TMTC2: variants seen among roughly 807,000 people sequenced by gnomAD.
TMTC2 encodes protein O-mannosyl-transferase TMTC2.
Under a neutral mutation model 82.4 loss-of-function variants are expected in TMTC2, and 43 were observed. That is an observed-to-expected ratio of 0.52 (90% CI 0.41 to 0.67). The LOEUF is 0.67. Ranked by LOEUF, TMTC2 falls within the 30% of genes least tolerant of loss-of-function variation. The pLI is 0.00. For synonymous variants in TMTC2, 408 were observed against 381.9 expected (o/e 1.07, Z -0.80); for missense variants, 919 against 1,012.4 (o/e 0.91, Z 1.25).
chr12:82,982,045 C>T (rs936302675), intron 7 of TMTC2, among the ~76,000 whole-genome samples: 6 of 150,252 alleles, frequency 4.0e-5, no homozygotes, highest in African/African-American at 1.5e-4. Flanking sequence ...GTTTGTTAAG[C>T]TCTCTGAAGC....
At chr12:82,744,515 T>G (rs958799345) in intron 1 of TMTC2, among the ~76,000 whole-genome samples, 1 of 148,288 alleles carries the variant, frequency 6.7e-6, no homozygotes, top group African/African-American at 2.5e-5. Flanking sequence ...GGATCACAAG[T>G]TCAGGGCTGC....
chr12:82,789,912 C>T (rs904929489), intron 1 of TMTC2, among the ~76,000 whole-genome samples: 7 of 152,080 alleles, frequency 4.6e-5, no homozygotes, highest in African/African-American at 9.7e-5. Context: ...GGAAGCTGCT[C>T]AGTAAAGATG....
At chr12:82,992,013 A>G (rs1879421364) in intron 8 of TMTC2, among the ~76,000 whole-genome samples, 1 of 152,214 alleles carries the variant, frequency 6.6e-6, no homozygotes, top group Non-Finnish European at 1.5e-5. Context: ...AAGGAAGGAT[A>G]TTGGAGACTC....
At chr12:83,106,653 G>C (rs181319348) in intron 11 of TMTC2, among the ~76,000 whole-genome samples, 4 of 152,252 alleles carry the variant, frequency 2.6e-5, no homozygotes, top group African/African-American at 9.6e-5. Context: ...CAGCCAGAGA[G>C]AAAAGAAAAC....
intron 11 of TMTC2, among the ~76,000 whole-genome samples, chr12:83,099,392 TTC>T (rs756515088): frequency 3.3e-5 from 5 of 152,144 alleles, no homozygotes; most frequent in Non-Finnish European, 7.3e-5. Context: ...GCACAACATC[TTC>T]TCTGTCTCCT....
intron 1 of TMTC2, among the ~76,000 whole-genome samples, chr12:82,794,183 G>T (rs908152002): frequency 6.6e-6 from 1 of 152,108 alleles, no homozygotes; most frequent in South Asian, 2.1e-4. Flanking sequence ...GGGACAGGGC[G>T]CAGGCCCGCA....
chr12:82,737,217 A>G (rs1875170823), intron 1 of TMTC2, among the ~76,000 whole-genome samples: 1 of 152,196 alleles, frequency 6.6e-6, no homozygotes, highest in South Asian at 2.1e-4. Context: ...TCAAACTTTC[A>G]TCACATTGAT....
chr12:82,813,237 CTG>C (rs1410944241), intron 1 of TMTC2, among the ~76,000 whole-genome samples: 1 of 152,112 alleles, frequency 6.6e-6, no homozygotes, highest in Admixed American at 6.5e-5. Flanking sequence ...ACTCACTACT[CTG>C]TAACAGCAGC....
chr12:83,094,945 A>G lies in TMTC2; in HGVS notation c.2331+33114A>G, dbSNP rs371061872. On this transcript the variant is annotated intron_variant, in intron 11 of 11. Transcript: ENST00000321196. ...GGGGATGGAGATACAAAGAAAGCCTACTTTTTAAAGTCACCGGATAGAACT... is the reference window on the plus strand; with the variant it reads ...GGGGATGGAGATACAAAGAAAGCCTGCTTTTTAAAGTCACCGGATAGAACT... Among the ~76,000 whole-genome samples the G allele has an allele frequency of 2.3e-4, 35 of 152,348 alleles. 1 individual carries two copies. In the South Asian group the frequency reaches 7.2e-3, roughly 32 times the overall value.
intron 1 of TMTC2, among the ~76,000 whole-genome samples, chr12:82,789,320 T>C (rs978877135): frequency 6.6e-6 from 1 of 152,112 alleles, no homozygotes; most frequent in Admixed American, 6.6e-5. Flanking sequence ...TAATTGTGTG[T>C]ATGCTGAATT....
chr12:82,719,004 G>C (rs958310550), intron 1 of TMTC2, among the ~76,000 whole-genome samples: 1 of 137,734 alleles, frequency 7.3e-6, no homozygotes, highest in Non-Finnish European at 1.5e-5. Context: ...TATATATTCA[G>C]AAAACTGGGT....
intron 1 of TMTC2, among the ~76,000 whole-genome samples, chr12:82,734,832 G>T (rs1307931019): frequency 6.6e-6 from 1 of 152,292 alleles, no homozygotes; most frequent in East Asian, 1.9e-4. Context: ...TTGGGGCCAA[G>T]TCACTGCACT....
chr12:83,054,982 C>A (rs1176899895), intron 10 of TMTC2, among the ~76,000 whole-genome samples: 1 of 152,034 alleles, frequency 6.6e-6, no homozygotes, highest in African/African-American at 2.4e-5. Context: ...CCTACAGACT[C>A]TACCAGTGGG....
chr12:83,084,005 G>A (rs977727102), intron 11 of TMTC2, among the ~76,000 whole-genome samples: 4 of 152,068 alleles, frequency 2.6e-5, no homozygotes, highest in Non-Finnish European at 4.4e-5. Flanking sequence ...TTTTACCCCC[G>A]ACACGTATCC....
At chr12:83,001,471 C>G (rs1430148919) in intron 8 of TMTC2, among the ~76,000 whole-genome samples, 1 of 57,216 alleles carries the variant, frequency 1.7e-5, no homozygotes, top group Non-Finnish European at 5.1e-5. Context: ...AACCCCGTCT[C>G]TACTAAAAAC....
Position 83,050,962 on chromosome 12 carries a change from A to G in TMTC2, c.2211A>G (p.Ala737=). Residue 737 remains alanine (A), a synonymous_variant, in exon 10 of 12, where the codon GCA becomes GCG. Transcript: ENST00000321196. ...AAGCAGCTGAGATGGCAAAAAAAGCAGCTGAACTAGACAGCACAGAGTTTG... is the reference window on the plus strand; with the variant it reads ...AAGCAGCTGAGATGGCAAAAAAAGCGGCTGAACTAGACAGCACAGAGTTTG... The part of the protein sequence containing the change: ...LIEAAEMAKK[A]AELDSTEFDV... 8 of 1,613,560 alleles carry G rather than the reference A, an allele frequency of 5.0e-6. No individual in the cohort carries two copies. Among genetic ancestry groups the G allele is most frequent in the South Asian group, 1.1e-5 (1 of 91,022 alleles).
chr12:82,921,307 C>T (rs1360300526), intron 3 of TMTC2, among the ~76,000 whole-genome samples: 3 of 152,148 alleles, frequency 2.0e-5, no homozygotes, highest in African/African-American at 7.2e-5. Flanking sequence ...CTTGTTATTA[C>T]ATCTGCTACT....
chr12:83,024,066 T>A (rs1268875693), intron 8 of TMTC2, among the ~76,000 whole-genome samples: 1 of 152,204 alleles, frequency 6.6e-6, no homozygotes, highest in Non-Finnish European at 1.5e-5. Flanking sequence ...ATCAATGTAT[T>A]GTATAGTTCA....
chr12:83,115,942 C>T (rs1298686227), intron 11 of TMTC2, among the ~76,000 whole-genome samples: 1 of 152,104 alleles, frequency 6.6e-6, no homozygotes, highest in Non-Finnish European at 1.5e-5. Flanking sequence ...CACGTGCCAC[C>T]ATGCCTGGCT....
Sources: allele counts gnomAD v4.1 joint callset (sites outside exome capture counted in the v4.1 genomes callset), GRCh38; gene constraint gnomAD v4.1.1; transcripts MANE v1.5; gene names NCBI Gene and HGNC (gene_info 2026-07-23, HGNC 2026-07-21).